The following SLC7A13 variants were observed in gnomAD, a reference collection of about 807,000 sequenced individuals.
SLC7A13 encodes X-amino acid transporter 2.
In SLC7A13, 31 loss-of-function variants were observed where a neutral mutation model predicts 32.0. The observed-to-expected ratio is 0.97, with a 90% CI of 0.73 to 1.31. The LOEUF (loss-of-function observed/expected upper bound fraction) is 1.31. Among genes scored for constraint, SLC7A13 ranks in the 50% most tolerant of loss-of-function variants. SLC7A13 has a pLI of 0.00. For synonymous variants in SLC7A13, 232 were observed against 206.9 expected (o/e 1.12, Z -1.04); for missense variants, 633 against 546.9 (o/e 1.16, Z -1.57).
intron 1 of SLC7A13, among the ~76,000 whole-genome samples, chr8:86,226,897 G>A (rs917888650): frequency 2.6e-5 from 4 of 152,140 alleles, no homozygotes; most frequent in African/African-American, 9.7e-5. Context: ...AGCAAAAAGT[G>A]ACCTTTCTAT....
intron 3 of SLC7A13, among the ~76,000 whole-genome samples, chr8:86,217,184 T>G (rs1460659422): frequency 6.6e-6 from 1 of 152,166 alleles, no homozygotes; most frequent in African/African-American, 2.4e-5. Context: ...GTTACATAAG[T>G]AGACAAAATA....
intron 1 of SLC7A13, among the ~76,000 whole-genome samples, chr8:86,225,318 G>T (rs539770992): frequency 6.6e-6 from 1 of 152,024 alleles, no homozygotes; most frequent in Non-Finnish European, 1.5e-5. Context: ...AACCCTGCCC[G>T]CACCACTTTG....
At chr8:86,228,859 A>C (rs1444091535) in intron 1 of SLC7A13, among the ~76,000 whole-genome samples, 1 of 151,930 alleles carries the variant, frequency 6.6e-6, no homozygotes, top group Non-Finnish European at 1.5e-5. Flanking sequence ...AAAAAAAAAA[A>C]ATCTGAGGAG....
intron 3 of SLC7A13, 125 bp downstream of exon 3, chr8:86,217,345 C>T (rs1820201630): frequency 1.1e-6 from 1 of 886,700 alleles, no homozygotes; most frequent in Non-Finnish European, 1.6e-6. Flanking sequence ...AGATTATTCT[C>T]ATGTGTTTCA....
chr8:86,219,747 A>G (rs1820256273), intron 2 of SLC7A13, among the ~76,000 whole-genome samples: 1 of 152,182 alleles, frequency 6.6e-6, no homozygotes. Flanking sequence ...ATTCCATTAT[A>G]TAACTGTCAT....
intron 1 of SLC7A13, among the ~76,000 whole-genome samples, chr8:86,228,328 A>G (rs1820423433): frequency 6.6e-6 from 1 of 152,044 alleles, no homozygotes; most frequent in African/African-American, 2.4e-5. Flanking sequence ...TCGGGCTCCT[A>G]TAATCCTGGT....
intron 2 of SLC7A13, among the ~76,000 whole-genome samples, chr8:86,220,063 T>C (rs1351949396): frequency 6.6e-6 from 1 of 152,150 alleles, no homozygotes; most frequent in Non-Finnish European, 1.5e-5. Context: ...TTATTGTCTA[T>C]CATTGGCTAT....
chr8:86,222,705 G>C (rs1046107387), intron 2 of SLC7A13, among the ~76,000 whole-genome samples: 7 of 111,116 alleles, frequency 6.3e-5, no homozygotes, highest in Non-Finnish European at 1.2e-4. Flanking sequence ...ATCATGAAAG[G>C]AATACTAATA....
At chr8:86,223,181 G>A in intron 1 of SLC7A13, 78 bp from the exon 2 acceptor site, 1 of 1,359,884 alleles carries the variant, frequency 7.4e-7, no homozygotes, top group Non-Finnish European at 9.8e-7. Flanking sequence ...TATTATTTTT[G>A]TATTTGTATA....
chr8:86,228,135 A>G (rs1820420084), intron 1 of SLC7A13, among the ~76,000 whole-genome samples: 1 of 152,158 alleles, frequency 6.6e-6, no homozygotes, highest in African/African-American at 2.4e-5. Flanking sequence ...AAAATCCAGC[A>G]CTTGTTGCTC....
rs1820139566 is a variant in SLC7A13 at position 86,214,290 on chromosome 8, G to C, written c.*123C>G. 1 of 649,710 alleles carries C rather than the reference G, an allele frequency of 1.5e-6. No homozygotes were observed. Among genetic ancestry groups the C allele is most frequent in the African/African-American group, 1.8e-5 (1 of 54,560 alleles). 40.2% of individuals were successfully genotyped at this position (649,710 alleles called of 1,614,324 possible). A position where few individuals can be genotyped will look rare whatever the true frequency, so the allele number is the denominator to read the frequency against. On this transcript the variant is annotated 3_prime_UTR_variant, in exon 4 of 4. Coordinates refer to ENST00000297524, the MANE Select transcript of SLC7A13 (RefSeq NM_138817.3). ...TTTGTATACATTACTTATTTCATTT[G>C]AGAAAAAAATATTTACCATAGGAAT... is the stretch of plus-strand genomic sequence containing the variant.
intron 1 of SLC7A13, among the ~76,000 whole-genome samples, chr8:86,225,222 C>G (rs947222353): frequency 1.4e-4 from 22 of 152,066 alleles, no homozygotes; most frequent in African/African-American, 4.6e-4. Context: ...TGTGTCTGCC[C>G]AGGGGTTGGA....
intron 1 of SLC7A13, among the ~76,000 whole-genome samples, chr8:86,228,490 T>A (rs1586151123): frequency 6.6e-6 from 1 of 152,146 alleles, no homozygotes; most frequent in East Asian, 1.9e-4. Flanking sequence ...TCCTCCCACC[T>A]CAGCCTCTTA....
chr8:86,219,428 T>C (rs1027154937), intron 2 of SLC7A13, among the ~76,000 whole-genome samples: 1 of 152,314 alleles, frequency 6.6e-6, no homozygotes, highest in Non-Finnish European at 1.5e-5. Flanking sequence ...CCACATGTTG[T>C]TTCTTTTCTT....
chr8:86,217,425 A>G (rs1586143009), intron 3 of SLC7A13, 45 bp downstream of exon 3: 2 of 1,453,586 alleles, frequency 1.4e-6, no homozygotes, highest in South Asian at 2.9e-5. Flanking sequence ...GTTATACTCA[A>G]TATCTGTTAT....
chr8:86,229,569 T>TA, intron 1 of SLC7A13, 24 bp downstream of exon 1: 1 of 1,502,542 alleles, frequency 6.7e-7, no homozygotes, highest in Non-Finnish European at 8.8e-7. Context: ...TGATTTTAGA[T>TA]TTTTTTCCTC....
chr8:86,229,983 T>C lies in SLC7A13; in HGVS notation c.295A>G (p.Thr99Ala), dbSNP rs759588482. 2.5e-6 allele frequency: 4 copies of C among 1,614,058 alleles called. No individual in the cohort carries two copies. The South Asian group carries it at 4.4e-5, about 18-fold the overall frequency. ...ACCCCTGACCCCAGAAACAAGGATG[T>C]CCAGAGATTCAAAAAAGCAACCGTG... ...GSTVAFLNLW[T>A]SLFLGSGVVA... is the part of the protein sequence containing the mutation. The change falls in exon 1 of 4, where the codon ACA (threonine) becomes GCA (alanine). Residue 99 changes from threonine to alanine, a missense_variant. Coordinates refer to ENST00000297524, the MANE Select transcript of SLC7A13 (RefSeq NM_138817.3).
intron 3 of SLC7A13, among the ~76,000 whole-genome samples, chr8:86,216,837 C>T (rs915524658): frequency 1.3e-5 from 2 of 152,142 alleles, no homozygotes; most frequent in African/African-American, 4.8e-5. Flanking sequence ...CCAAGCAAAG[C>T]TTTGAACATC....
intron 2 of SLC7A13, among the ~76,000 whole-genome samples, chr8:86,221,133 ATT>A (rs1352158547): frequency 6.6e-6 from 1 of 152,120 alleles, no homozygotes; most frequent in Non-Finnish European, 1.5e-5. Context: ...ATTGATCACC[ATT>A]GTTAACTACT....
Sources: allele counts gnomAD v4.1 joint callset (sites outside exome capture counted in the v4.1 genomes callset), GRCh38; gene constraint gnomAD v4.1.1; transcripts MANE v1.5; gene names NCBI Gene and HGNC (gene_info 2026-07-23, HGNC 2026-07-21).